Variants in PCDHGA4 observed in about 807,000 individuals in gnomAD.
PCDHGA4 encodes protocadherin gamma-A4.
PCDHGA4 carries 38 observed loss-of-function variants against 54.6 expected under a neutral mutation model. The ratio of observed to expected loss-of-function variants is 0.70; its 90% CI spans 0.54 to 0.91. The LOEUF is 0.91. Ranked by LOEUF, PCDHGA4 falls within the 40% of genes least tolerant of loss-of-function variation. PCDHGA4 has a pLI of 0.00. For missense variants in PCDHGA4, 1,298 were observed against 1,220.9 expected (o/e 1.06, Z -0.94); for synonymous variants, 511 against 512.9 (o/e 1.00, Z 0.05).
At chr5:141,422,281 T>C in intron 1 of PCDHGA4, 1 of 1,557,044 alleles carries the variant, frequency 6.4e-7, no homozygotes, top group Middle Eastern at 1.7e-4. Context: ...AACTATCACC[T>C]CTTCTATTAA....
chr5:141,506,162 C>T (rs1448735916), intron 3 of PCDHGA4, among the ~76,000 whole-genome samples: 1 of 152,124 alleles, frequency 6.6e-6, no homozygotes, highest in Non-Finnish European at 1.5e-5. Flanking sequence ...CTTAAGAGCA[C>T]AGCCTAAGCT....
At chr5:141,404,080 C>T (rs369802030) in intron 1 of PCDHGA4, 6 of 1,613,516 alleles carry the variant, frequency 3.7e-6, no homozygotes, top group Non-Finnish European at 4.2e-6. Context: ...ACCGAGACTC[C>T]GGGAAGAATG....
intron 1 of PCDHGA4, chr5:141,415,758 T>G (rs200061978): frequency 0.08 from 111,079 of 1,380,048 alleles, 1,979 homozygotes; most frequent in African/African-American, 0.17. Context: ...TTTTTTTTTT[T>G]TTTTTTTTTT....
intron 1 of PCDHGA4, among the ~76,000 whole-genome samples, chr5:141,492,632 C>T (rs1359761285): frequency 1.3e-5 from 2 of 152,256 alleles, no homozygotes; most frequent in Admixed American, 1.3e-4. Context: ...CAGGACTCTA[C>T]GATCCTTGGG....
chr5:141,455,919 A>T, intron 1 of PCDHGA4, among the ~76,000 whole-genome samples: 1 of 145,568 alleles, frequency 6.9e-6, no homozygotes, highest in Non-Finnish European at 1.5e-5. Context: ...TTATTTTGAG[A>T]CGGAGTCTCG....
At chr5:141,474,130 C>T (rs28684928) in intron 1 of PCDHGA4, among the ~76,000 whole-genome samples, 6 of 152,160 alleles carry the variant, frequency 3.9e-5, no homozygotes. Context: ...TCTCAGAAAA[C>T]TACAGGCCTT....
At chr5:141,362,927 A>G (rs940614958) in intron 1 of PCDHGA4, among the ~76,000 whole-genome samples, 2 of 152,224 alleles carry the variant, frequency 1.3e-5, no homozygotes, top group African/African-American at 2.4e-5. Context: ...GAGTAAAGAG[A>G]GTCTTCATTT....
At chr5:141,404,043 C>T (rs781644500) in intron 1 of PCDHGA4, 1 of 1,613,844 alleles carries the variant, frequency 6.2e-7, no homozygotes, top group East Asian at 2.2e-5. Context: ...CCTCAGGGAA[C>T]AGTAATTCTT....
At position 141,491,299 on chromosome 5, in the gene PCDHGA4, C is replaced by T. The variant is rs777271881; in HGVS notation, c.2515-3508C>T. ...TGACTTCCTCATACACCCTCCTGAG[C>T]GTTCAGACCTTACCCTTTACCTCAT... On this transcript the variant is annotated intron_variant, in intron 1 of 3. Transcript: ENST00000571252. This position sits in a 1 kb window ranked among gnomAD's most constrained non-coding sequence, Gnocchi z 6.9. 3.7e-6 allele frequency: 6 copies of T among 1,614,068 alleles called. No individual in the cohort carries two copies. Among genetic ancestry groups the T allele is most frequent in the Non-Finnish European group, 5.1e-6 (6 of 1,179,896 alleles).
intron 1 of PCDHGA4, chr5:141,375,127 T>C (rs368439130): frequency 2.5e-6 from 4 of 1,613,808 alleles, no homozygotes; most frequent in African/African-American, 1.3e-5. Flanking sequence ...CAGAAGTGGT[T>C]GTTACATCTG....
At position 141,355,685 on chromosome 5, in the gene PCDHGA4, T is replaced by C; in HGVS notation, c.578T>C (p.Val193Ala). The change falls in exon 1 of 4, where the codon GTA becomes GCA. Residue 193 changes from valine to alanine, a missense_variant. Coordinates refer to ENST00000571252, the MANE Select transcript of PCDHGA4 (RefSeq NM_018917.4). The stretch of plus-strand genomic sequence containing the variant: ...CTTCCTGAAGCTTTTGATCCGGATG[T>C]AGGTGTAAACTCCCTGCAGGGTTAC... Reference protein sequence around the residue: ...FPLPEAFDPDVGVNSLQGYQL... With the variant: ...FPLPEAFDPDAGVNSLQGYQL... 1.9e-6 allele frequency: 3 copies of C among 1,613,982 alleles called. No homozygotes were observed. The highest frequency in any genetic ancestry group is 2.5e-6 in the Non-Finnish European group (3 of 1,179,890).
At chr5:141,371,875 G>A in intron 1 of PCDHGA4, 1 of 1,613,506 alleles carries the variant, frequency 6.2e-7, no homozygotes, top group Non-Finnish European at 8.5e-7. Flanking sequence ...ATCGTGGCCA[G>A]TGACCTGGAG....
At chr5:141,359,113 G>T (rs1230584767) in intron 1 of PCDHGA4, among the ~76,000 whole-genome samples, 2 of 152,214 alleles carry the variant, frequency 1.3e-5, no homozygotes, top group Non-Finnish European at 2.9e-5. Flanking sequence ...TTCATAGAAA[G>T]TTGTGGTGCA....
At chr5:141,478,443 C>T (rs2099456258) in intron 1 of PCDHGA4, 3 of 1,613,494 alleles carry the variant, frequency 1.9e-6, no homozygotes, top group Admixed American at 1.7e-5. Flanking sequence ...CTGAAGAAAC[C>T]TGGTGCAGCC....
rs539372561 is a variant in PCDHGA4, at chr5:141,379,222, GT to G, written c.2514+21606del. On this transcript the variant is annotated intron_variant, in intron 1 of 3. Coordinates refer to ENST00000571252, the MANE Select transcript of PCDHGA4 (RefSeq NM_018917.4). ...AAATAAGCTGCTAAGAGTAATATGT[GT>G]TTTTCTGAACCAATATTGTGGTATT... 26 of 152,080 alleles carry G rather than the reference GT, an allele frequency of 1.7e-4. 1 individual carries two copies. The highest frequency in any genetic ancestry group is 3.1e-4 in the Non-Finnish European group (21 of 67,992). The allele number at this position is 152,080 out of a possible 1,614,324, so 9.4% of individuals were successfully genotyped here. A position where few individuals can be genotyped will look rare whatever the true frequency, so the allele number is the denominator to read the frequency against.
At chr5:141,410,715 GTT>G (rs2154543204) in intron 1 of PCDHGA4, 19 of 1,422,782 alleles carry the variant, frequency 1.3e-5, no homozygotes, top group Non-Finnish European at 1.8e-5. Context: ...AGAATCATAT[GTT>G]TAAAATCCAT....
rs1246204844 is a variant in PCDHGA4, at chr5:141,419,493, A to T, written c.2514+61872A>T. On this transcript the variant is annotated intron_variant, in intron 1 of 3. Coordinates refer to ENST00000571252, the MANE Select transcript of PCDHGA4 (RefSeq NM_018917.4). ...CAGGGCTCGCCCGCGCTCAGCGCCA[A>T]TGTGAGCCTGCGCGTGTTGGTGGGC... 3 of 1,612,264 alleles carry T rather than the reference A, an allele frequency of 1.9e-6. No individual in the cohort carries two copies. The African/African-American group carries it at 4.0e-5, about 22-fold the overall frequency.
intron 1 of PCDHGA4, among the ~76,000 whole-genome samples, chr5:141,433,837 CAA>C (rs56191208): frequency 1.4e-4 from 16 of 111,664 alleles, no homozygotes; most frequent in Non-Finnish European, 1.2e-4. Context: ...AACTCTATCT[CAA>C]AAAAAAAAAA....
intron 1 of PCDHGA4, chr5:141,404,627 G>A: frequency 6.2e-7 from 1 of 1,614,144 alleles, no homozygotes; most frequent in Non-Finnish European, 8.5e-7. Context: ...GAATGACAAT[G>A]CCCCAGAAAT....
Sources: allele counts gnomAD v4.1 joint callset (sites outside exome capture counted in the v4.1 genomes callset), GRCh38; gene constraint gnomAD v4.1.1; non-coding constraint Gnocchi (gnomAD v3.1); transcripts MANE v1.5; gene names NCBI Gene and HGNC (gene_info 2026-07-23, HGNC 2026-07-21).